TLE4: variants seen among roughly 807,000 people sequenced by gnomAD.
TLE4 encodes the protein transducin-like enhancer protein 4.
Under a neutral mutation model 92.8 loss-of-function variants are expected in TLE4, and 8 were observed. The observed-to-expected ratio is 0.09, with a 90% CI of 0.05 to 0.16. The LOEUF is 0.16. Among genes scored for constraint, TLE4 ranks in the 10% least tolerant of loss-of-function variants. The pLI is 1.00. For synonymous variants in TLE4, 371 were observed against 374.1 expected, an observed-to-expected ratio of 0.99 and a Z score of 0.10; for missense variants, 675 against 997.6, an observed-to-expected ratio of 0.68 and a Z score of 4.36.
At chr9:79,680,699 TG>T (rs1259008902) in intron 8 of TLE4, among the ~76,000 whole-genome samples, 3 of 152,168 alleles carry the variant, frequency 2.0e-5, no homozygotes, top group African/African-American at 7.2e-5. Context: ...ATCCCTGTCT[TG>T]TGCCAGTTTT....
At chr9:79,673,723 A>G (rs2062791832) in intron 8 of TLE4, among the ~76,000 whole-genome samples, 1 of 152,194 alleles carries the variant, frequency 6.6e-6, no homozygotes, top group African/African-American at 2.4e-5. Flanking sequence ...AAAACTATTG[A>G]AGTAGTAGCA....
intron 14 of TLE4, among the ~76,000 whole-genome samples, chr9:79,712,486 T>A (rs2073565790): frequency 6.6e-6 from 1 of 152,132 alleles, no homozygotes; most frequent in Non-Finnish European, 1.5e-5. Context: ...GAAAATAAAA[T>A]AAAAAATCAC....
At chr9:79,592,558 CAG>C (rs2042979620) in intron 4 of TLE4, among the ~76,000 whole-genome samples, 1 of 152,126 alleles carries the variant, frequency 6.6e-6, no homozygotes, top group African/African-American at 2.4e-5. Flanking sequence ...GCTGGGATCA[CAG>C]GGGTGAGCCA....
intron 6 of TLE4, among the ~76,000 whole-genome samples, chr9:79,639,934 A>G (rs182202198): frequency 5.3e-5 from 8 of 152,268 alleles, no homozygotes; most frequent in Non-Finnish European, 7.4e-5. Flanking sequence ...ATGTATATCA[A>G]AATACTGGGA....
Position 79,706,752 on chromosome 9 carries a change from A to G in TLE4, c.789A>G (p.Pro263=), listed in dbSNP as rs1274905527. ...TCCACGATGTTCCTTTGTAGGATCC[A>G]TCTTCCCCTCGAGGGAGCCCAGCAC... ...NLVVDVSNED[P]SSPRGSPAHS... Residue 263 remains proline (P), a synonymous_variant, in exon 11 of 20, where the codon CCA becomes CCG. Coordinates refer to ENST00000376552, the MANE Select transcript of TLE4 (RefSeq NM_007005.6). 3 of 1,613,378 alleles carry G rather than the reference A, an allele frequency of 1.9e-6. No homozygotes were observed. The South Asian group carries it at 3.3e-5, about 18-fold the overall frequency.
intron 6 of TLE4, among the ~76,000 whole-genome samples, chr9:79,652,008 A>T (rs1164058522): frequency 6.6e-6 from 1 of 152,178 alleles, no homozygotes; most frequent in Non-Finnish European, 1.5e-5. Flanking sequence ...TTGCATATCA[A>T]CTATTGAAAG....
chr9:79,705,837 T>C (rs2071390998), intron 9 of TLE4, 52 bp from the exon 10 acceptor site: 2 of 1,571,000 alleles, frequency 1.3e-6, no homozygotes, highest in African/African-American at 1.3e-5. Flanking sequence ...TTAGGGTAAA[T>C]GTGGTATGTT....
chr9:79,601,584 T>C (rs2045674684), intron 4 of TLE4: 1 of 420,456 alleles, frequency 2.4e-6, no homozygotes, highest in African/African-American at 2.0e-5. Context: ...TGATCTTTGA[T>C]GTTACTATTG....
intron 6 of TLE4, among the ~76,000 whole-genome samples, chr9:79,639,161 G>A (rs2056628732): frequency 6.6e-6 from 1 of 152,104 alleles, no homozygotes; most frequent in Non-Finnish European, 1.5e-5. Flanking sequence ...GATGGGATTT[G>A]AGGGATGCCA....
intron 6 of TLE4, among the ~76,000 whole-genome samples, chr9:79,644,319 G>A (rs1379154492): frequency 6.6e-6 from 1 of 152,110 alleles, no homozygotes; most frequent in Admixed American, 6.5e-5. Flanking sequence ...GCTTAACTGT[G>A]AGTCAATCAA....
intron 5 of TLE4, among the ~76,000 whole-genome samples, chr9:79,621,692 G>A (rs960617450): frequency 2.0e-5 from 3 of 152,170 alleles, no homozygotes; most frequent in Non-Finnish European, 2.9e-5. Context: ...AGCCCCGGCA[G>A]TGTTTAGAAA....
At chr9:79,712,006 T>G (rs2136056851) in intron 14 of TLE4, among the ~76,000 whole-genome samples, 1 of 152,280 alleles carries the variant, frequency 6.6e-6, no homozygotes, top group East Asian at 1.9e-4. Context: ...AAGAGTGGCT[T>G]TATGCACAAT....
intron 8 of TLE4, among the ~76,000 whole-genome samples, chr9:79,677,430 C>T (rs2063470597): frequency 6.6e-6 from 1 of 152,060 alleles, no homozygotes; most frequent in Non-Finnish European, 1.5e-5. Flanking sequence ...GGCTGTGTGC[C>T]TTATGTATGT....
chr9:79,587,164 A>G (rs2041330147), intron 4 of TLE4, among the ~76,000 whole-genome samples: 1 of 152,248 alleles, frequency 6.6e-6, no homozygotes, highest in Non-Finnish European at 1.5e-5. Context: ...TGAATGAATG[A>G]ATGATGGAAC....
At position 79,596,136 on chromosome 9, in the gene TLE4, G is replaced by A. The variant is rs537663318; in HGVS notation, c.253-16520G>A. 1.2e-4 allele frequency among the ~76,000 whole-genome samples: 19 copies of A among 152,198 alleles called. No individual in the cohort carries two copies. The East Asian group carries it at 3.7e-3, about 29-fold the overall frequency. On this transcript the variant is annotated intron_variant, in intron 4 of 19. Coordinates refer to ENST00000376552, the MANE Select transcript of TLE4 (RefSeq NM_007005.6). ...GCTGGGATTACAGGCGTGAGGAACC[G>A]CGCCCGGCCGTTTAGTATCTACTTA...
chr9:79,574,992 A>G (rs1021751874), intron 3 of TLE4, 56 bp downstream of exon 3: 3 of 1,487,642 alleles, frequency 2.0e-6, no homozygotes, highest in African/African-American at 1.4e-5. Flanking sequence ...TACCAAAAAC[A>G]AGAATATGTT....
At chr9:79,704,058 CAAAA>C (rs917874197) in intron 8 of TLE4, among the ~76,000 whole-genome samples, 1 of 151,960 alleles carries the variant, frequency 6.6e-6, no homozygotes, top group African/African-American at 2.4e-5. Context: ...AACAAACAAA[CAAAA>C]AAACCTGGCT....
chr9:79,614,309 G>A (rs1281139614), intron 5 of TLE4, among the ~76,000 whole-genome samples: 1 of 152,220 alleles, frequency 6.6e-6, no homozygotes, highest in Admixed American at 6.5e-5. Context: ...GTATATGATC[G>A]CTGGTATGGC....
chr9:79,657,622 C>T (rs184771815), intron 8 of TLE4, among the ~76,000 whole-genome samples: 16 of 152,238 alleles, frequency 1.1e-4, no homozygotes, highest in African/African-American at 3.9e-4. Flanking sequence ...TAGCACTCTC[C>T]AGTTCTTTTC....
Sources: gnomAD v4.1 joint callset for allele counts (sites outside exome capture counted in the v4.1 genomes callset) on GRCh38, gnomAD v4.1.1 for gene constraint, MANE v1.5 for transcripts, NCBI Gene and HGNC (gene_info 2026-07-23, HGNC 2026-07-21) for gene names.